Variants in DHX9 observed in about 807,000 individuals in gnomAD.
DHX9 encodes the protein ATP-dependent RNA helicase A.
DHX9 carries 27 observed loss-of-function variants against 148.7 expected under a neutral mutation model. The observed-to-expected ratio is 0.18, with a 90% CI of 0.13 to 0.25. The LOEUF (loss-of-function observed/expected upper bound fraction) is 0.25, where lower values mean the gene tolerates loss of function less well. Ranked by LOEUF, DHX9 falls within the 10% of genes least tolerant of loss-of-function variation. DHX9 has a pLI of 1.00. For missense variants in DHX9, 796 were observed against 1,559.6 expected, an observed-to-expected ratio of 0.51 and a Z score of 8.25; for synonymous variants, 529 against 516.6, an observed-to-expected ratio of 1.02 and a Z score of -0.33.
In DHX9 at chr1:182,887,218, T is replaced by C. The variant is rs1649372137; in HGVS notation, c.3597T>C (p.Tyr1199=). ...YSSGGYGSGG[Y]GGSANSFRAG... ...GTGGAGGCTATGGTAGCGGAGGCTA[T>C]GGTGGCAGCGCCAACTCCTTTCGGG... The change falls in exon 28 of 28, where the codon TAT becomes TAC. Residue 1199 remains tyrosine, a synonymous_variant. Transcript: ENST00000367549. 4.3e-6 allele frequency: 7 copies of C among 1,613,988 alleles called. No individual in the cohort carries two copies. The East Asian group carries it at 1.3e-4, about 31-fold the overall frequency.
chr1:182,851,198 A>T (rs115134185), intron 3 of DHX9, among the ~76,000 whole-genome samples: 2,692 of 152,306 alleles, frequency 0.018, 70 homozygotes, highest in African/African-American at 0.056. Flanking sequence ...AAAAGAAAAA[A>T]ATTCACAATG....
At chr1:182,859,930 T>A (rs1261510568) in intron 11 of DHX9, 63 bp from the exon 12 acceptor site, 3 of 1,519,694 alleles carry the variant, frequency 2.0e-6, no homozygotes, top group Non-Finnish European at 2.7e-6. Flanking sequence ...TTTTAAAGGA[T>A]CAAGACAGTT....
chr1:182,849,405 T>C (rs76419368), intron 3 of DHX9, among the ~76,000 whole-genome samples: 11,911 of 152,214 alleles, frequency 0.078, 1,242 homozygotes, highest in African/African-American at 0.24. Flanking sequence ...CATAATTCTT[T>C]TTTTAAAAAA....
At chr1:182,869,288 G>C (rs545392335) in intron 14 of DHX9, among the ~76,000 whole-genome samples, 1 of 152,104 alleles carries the variant, frequency 6.6e-6, no homozygotes. Flanking sequence ...GGTCTTATCC[G>C]GTTCGGCCCA....
chr1:182,877,026 G>T, intron 19 of DHX9, 123 bp downstream of exon 19: 1 of 636,178 alleles, frequency 1.6e-6, no homozygotes, highest in Non-Finnish European at 2.8e-6. Context: ...CAAAATTATT[G>T]TGCATCTATA....
intron 7 of DHX9, among the ~76,000 whole-genome samples, chr1:182,856,819 G>T (rs192695230): frequency 3.9e-5 from 6 of 152,326 alleles, no homozygotes; most frequent in Admixed American, 1.3e-4. Context: ...ACAGTGGGAT[G>T]ATTAGGAGTC....
intron 12 of DHX9, among the ~76,000 whole-genome samples, chr1:182,861,484 G>A (rs1052004980): frequency 6.6e-6 from 1 of 152,174 alleles, no homozygotes; most frequent in Non-Finnish European, 1.5e-5. Flanking sequence ...CAGAAGAGAA[G>A]CCTTGAGCTC....
At chr1:182,855,428 C>A in intron 6 of DHX9, 1 of 441,306 alleles carries the variant, frequency 2.3e-6, no homozygotes, top group Non-Finnish European at 3.0e-6. Flanking sequence ...GACAGCATTG[C>A]TCTTTGTATG....
chr1:182,874,084 G>T (rs937820171), intron 15 of DHX9, among the ~76,000 whole-genome samples: 1 of 152,214 alleles, frequency 6.6e-6, no homozygotes, highest in Non-Finnish European at 1.5e-5. Context: ...ATAGTGACAA[G>T]TGCCTCTTAC....
chr1:182,842,381 C>T (rs866935723), intron 1 of DHX9, among the ~76,000 whole-genome samples, 164 bp from the exon 2 acceptor site: 1 of 151,412 alleles, frequency 6.6e-6, no homozygotes, highest in Admixed American at 6.6e-5. Flanking sequence ...CTTTTTCTTA[C>T]AACATATAAA....
intron 16 of DHX9, chr1:182,875,170 G>GT (rs1557976908): frequency 3.5e-6 from 2 of 574,986 alleles, no homozygotes; most frequent in African/African-American, 1.9e-5. Context: ...TATCTCTGGC[G>GT]TAAAGATCAA....
At chr1:182,843,711 C>T (rs1667972529) in intron 3 of DHX9, among the ~76,000 whole-genome samples, 1 of 152,080 alleles carries the variant, frequency 6.6e-6, no homozygotes, top group African/African-American at 2.4e-5. Flanking sequence ...ATTTCAGAGT[C>T]TGTTATGTTC....
intron 22 of DHX9, among the ~76,000 whole-genome samples, chr1:182,880,971 C>A (rs1649060440): frequency 6.6e-6 from 1 of 152,058 alleles, no homozygotes; most frequent in Admixed American, 6.6e-5. Flanking sequence ...TTTATTTTAT[C>A]AGAAAATGTT....
chr1:182,884,458 C>T (rs1374133396), intron 26 of DHX9, among the ~76,000 whole-genome samples, 155 bp from the exon 27 acceptor site: 1 of 151,154 alleles, frequency 6.6e-6, no homozygotes, highest in African/African-American at 2.4e-5. Flanking sequence ...CTGTGTTTGC[C>T]TAAGTTTGGG....
chr1:182,845,133 T>TA (rs1428122576), intron 3 of DHX9, among the ~76,000 whole-genome samples: 1 of 152,250 alleles, frequency 6.6e-6, no homozygotes, highest in Non-Finnish European at 1.5e-5. Context: ...TATAGTATCT[T>TA]ACAGTCTTTA....
At chr1:182,848,857 C>G (rs1668078317) in intron 3 of DHX9, among the ~76,000 whole-genome samples, 1 of 152,048 alleles carries the variant, frequency 6.6e-6, no homozygotes, top group Non-Finnish European at 1.5e-5. Context: ...ATAGCAGGAG[C>G]AAGAGAAAGT....
chr1:182,876,378 T>C (rs1417627336), intron 17 of DHX9, 69 bp from the exon 18 acceptor site: 2 of 1,559,418 alleles, frequency 1.3e-6, no homozygotes, highest in Non-Finnish European at 8.8e-7. Context: ...AATAAAAATA[T>C]GTATAATGGA....
rs905401153 is a variant in DHX9 at position 182,872,246 on chromosome 1, T to C, written c.1558-91T>C. ...GAGTCATCTAAGAAACTGAATTTAA[T>C]TGATGTCTTATGGCTGTATAACTCT... On this transcript the variant is annotated intron_variant, in intron 14 of 27. Coordinates refer to ENST00000367549, the MANE Select transcript of DHX9 (RefSeq NM_001357.5). 3.8e-6 allele frequency: 4 copies of C among 1,042,520 alleles called. No individual in the cohort carries two copies. The African/African-American group carries it at 6.4e-5, about 17-fold the overall frequency. The allele number at this position is 1,042,520 out of a possible 1,614,324, so 64.6% of individuals were successfully genotyped here.
rs1246624793 is a variant in DHX9, at chr1:182,879,414, C to T, written c.2512+4C>T. 1.4e-6 allele frequency: 2 copies of T among 1,453,046 alleles called. No homozygotes were observed. Among genetic ancestry groups the T allele is most frequent in the Non-Finnish European group, 1.8e-6 (2 of 1,084,134 alleles). The allele number at this position is 1,453,046 out of a possible 1,614,324, so 90.0% of individuals were successfully genotyped here. On this transcript the variant is annotated splice_donor_region_variant and intron_variant, in intron 21 of 27. Transcript: ENST00000367549. ...GAAGCAGAACACACTCTTAGAGGTA[C>T]TTACAAATACAAACCTACTTGACGC...
Sources: allele counts gnomAD v4.1 joint callset (sites outside exome capture counted in the v4.1 genomes callset), GRCh38; gene constraint gnomAD v4.1.1; transcripts MANE v1.5; gene names NCBI Gene and HGNC (gene_info 2026-07-23, HGNC 2026-07-21).